Variants in MYLK observed in about 807,000 individuals in gnomAD.
MYLK encodes myosin light chain kinase.
A neutral mutation model predicts 203.4 loss-of-function variants in MYLK; 106 were observed. The observed-to-expected ratio is 0.52, with a 90% CI of 0.45 to 0.61. The LOEUF (loss-of-function observed/expected upper bound fraction) is 0.61, where lower values mean the gene tolerates loss of function less well. Among genes scored for constraint, MYLK ranks in the 20% least tolerant of loss-of-function variants. The pLI is 0.00. For missense variants in MYLK, 2,072 were observed against 2,442.3 expected, an observed-to-expected ratio of 0.85 and a Z score of 3.20; for synonymous variants, 867 against 959.5, an observed-to-expected ratio of 0.90 and a Z score of 1.78.
chr3:123,879,779 C>T (rs867140069), intron 1 of MYLK, among the ~76,000 whole-genome samples: 28 of 151,896 alleles, frequency 1.8e-4, no homozygotes, highest in Admixed American at 1.2e-3. Flanking sequence ...GGACTACAGC[C>T]GAGTAGCTGG....
At chr3:123,847,241 T>G (rs61050724) in intron 2 of MYLK, among the ~76,000 whole-genome samples, 4,004 of 152,196 alleles carry the variant, frequency 0.026, 171 homozygotes, top group African/African-American at 0.088. Context: ...CCATTTTATA[T>G]AAGGGACTTG....
intron 4 of MYLK, among the ~76,000 whole-genome samples, chr3:123,784,279 C>A (rs1223290578): frequency 1.3e-5 from 2 of 151,124 alleles, no homozygotes; most frequent in African/African-American, 2.4e-5. Flanking sequence ...CATATATGTA[C>A]ATTTTCCATT....
Position 123,640,210 on chromosome 3 carries a change from CCTCTCACA to C in MYLK, c.4837+69_4837+76del, listed in dbSNP as rs2058782668. On this transcript the variant is annotated intron_variant, in intron 28 of 33. Transcript: ENST00000360304. This position sits in a 1 kb window ranked among gnomAD's most constrained non-coding sequence, Gnocchi z 4.3. The stretch of plus-strand genomic sequence containing the variant: ...GATTTAACCCCAATACTGTATGTTT[CCTCTCACA>C]CTCAGTGTGAGAGGAAACGGCCAGT... 1.5e-6 allele frequency: 2 copies of C among 1,356,526 alleles called. No homozygotes were observed. Among genetic ancestry groups the C allele is most frequent in the South Asian group, 2.3e-5 (2 of 85,618 alleles). 84.0% of individuals were successfully genotyped at this position (1,356,526 alleles called of 1,614,324 possible).
chr3:123,650,062 CAG>C (rs751946917), intron 24 of MYLK, among the ~76,000 whole-genome samples: 8 of 152,188 alleles, frequency 5.3e-5, no homozygotes, highest in Admixed American at 4.6e-4. Flanking sequence ...TTCCCCGGAA[CAG>C]GGGGGCATCC....
chr3:123,878,974 C>T (rs879330203), intron 1 of MYLK, among the ~76,000 whole-genome samples: 5 of 152,204 alleles, frequency 3.3e-5, no homozygotes, highest in Non-Finnish European at 5.9e-5. Flanking sequence ...GCGTGAACCA[C>T]GGTGCCCAGC....
At chr3:123,757,840 C>T (rs1004913496) in intron 4 of MYLK, among the ~76,000 whole-genome samples, 2 of 152,128 alleles carry the variant, frequency 1.3e-5, no homozygotes, top group Non-Finnish European at 2.9e-5. Context: ...TTGTTGCCTG[C>T]CTGCCTGTAA....
At chr3:123,746,212 T>C (rs1245088554) in intron 5 of MYLK, among the ~76,000 whole-genome samples, 3 of 152,144 alleles carry the variant, frequency 2.0e-5, no homozygotes, top group Admixed American at 6.5e-5. Context: ...AAGCCAGGCA[T>C]GGTGGTACAT....
rs956869238 is a variant in MYLK at position 123,750,903 on chromosome 3, G to T, written c.373+1428C>A. Among the ~76,000 whole-genome samples, 11 of 152,306 alleles carry T rather than the reference G, an allele frequency of 7.2e-5. No homozygotes were observed. In the East Asian group the frequency reaches 1.4e-3, roughly 19 times the overall value. On this transcript the variant is annotated intron_variant, in intron 5 of 33. Coordinates refer to ENST00000360304, the MANE Select transcript of MYLK (RefSeq NM_053025.4). Reference sequence around the variant, plus strand: ...AGAGTAAGTGAGTCACTCAGTTAAAGAATTTAAGGAAAGCATCCAAACTAT... The same window carrying T: ...AGAGTAAGTGAGTCACTCAGTTAAATAATTTAAGGAAAGCATCCAAACTAT...
rs1173370606 is a variant in MYLK, at chr3:123,704,776, C to T, written c.2390+2978G>A. On this transcript the variant is annotated intron_variant, in intron 16 of 33. Transcript: ENST00000360304. Reference sequence around the variant, plus strand: ...AAAAAAAAAAAAAAAAAAAATTAGCCGGGCGTGGTGGTAGGCACCTGTAGT... The same window carrying T: ...AAAAAAAAAAAAAAAAAAAATTAGCTGGGCGTGGTGGTAGGCACCTGTAGT... Among the ~76,000 whole-genome samples the T allele has an allele frequency of 2.1e-4, 30 of 144,396 alleles. No homozygotes were observed. In the East Asian group the frequency reaches 2.6e-3, roughly 13 times the overall value. 94.7% of individuals were successfully genotyped at this position (144,396 alleles called of 152,430 possible). A position where few individuals can be genotyped will look rare whatever the true frequency, so the allele number is the denominator to read the frequency against.
intron 20 of MYLK, among the ~76,000 whole-genome samples, chr3:123,677,918 T>TATATATACACAC (rs1273803739): frequency 1.5e-4 from 12 of 78,890 alleles, no homozygotes; most frequent in East Asian, 1.7e-3. Context: ...TATATATATA[T>TATATATACACAC]ACACACACAC....
rs2057666575 is a variant in MYLK at position 123,618,774 on chromosome 3, G to C, written c.5369-4C>G. ...AGGAAAGCTTGGGACACATCTTCTA[G>C]AAGACAGAGAAGAAGACCAGGTCAT... On this transcript the variant is annotated splice_polypyrimidine_tract_variant and splice_region_variant and intron_variant, in intron 32 of 33. Transcript: ENST00000360304. 6.2e-7 allele frequency: 1 copy of C among 1,614,008 alleles called. No homozygotes were observed. The highest frequency in any genetic ancestry group is 8.5e-7 in the Non-Finnish European group (1 of 1,179,958).
intron 20 of MYLK, among the ~76,000 whole-genome samples, chr3:123,672,154 T>G (rs1478282058): frequency 6.6e-6 from 1 of 150,918 alleles, no homozygotes; most frequent in East Asian, 2.0e-4. Context: ...CATAGTCCAA[T>G]TTGGTGTCCT....
chr3:123,819,663 G>A (rs144182847), intron 3 of MYLK, among the ~76,000 whole-genome samples: 2 of 151,674 alleles, frequency 1.3e-5, no homozygotes, highest in South Asian at 2.1e-4. Flanking sequence ...TCCTAGCAAC[G>A]TTTAGCTGAC....
rs1352764618 is a variant in MYLK at position 123,629,202 on chromosome 3, C to T, written c.5114+272G>A. Among the ~76,000 whole-genome samples the T allele has an allele frequency of 1.3e-5, 2 of 152,150 alleles. No homozygotes were observed. Among genetic ancestry groups the T allele is most frequent in the African/African-American group, 2.4e-5 (1 of 41,430 alleles). Reference sequence around the variant, plus strand: ...AGAACAGCTGCCCCTTGCTCTGTAACGTGGTCAAGTGTCGCTTTTCAAGTC... The same window carrying T: ...AGAACAGCTGCCCCTTGCTCTGTAATGTGGTCAAGTGTCGCTTTTCAAGTC... On this transcript the variant is annotated intron_variant, in intron 30 of 33. Transcript: ENST00000360304. The surrounding 1 kb of genome is among the most constrained non-coding windows in gnomAD (Gnocchi z 4.4).
At chr3:123,614,926 C>T (rs955424910) in intron 33 of MYLK, among the ~76,000 whole-genome samples, 9 of 152,030 alleles carry the variant, frequency 5.9e-5, no homozygotes, top group Admixed American at 1.3e-4. Flanking sequence ...CCTCCCTCAG[C>T]CTCCCAAGTA....
chr3:123,881,885 G>C (rs1358106618), intron 1 of MYLK, among the ~76,000 whole-genome samples: 3 of 152,016 alleles, frequency 2.0e-5, no homozygotes, highest in Non-Finnish European at 4.4e-5. Flanking sequence ...GCACCATCTG[G>C]GTCACCTCCT....
Position 123,640,446 on chromosome 3 carries a change from G to A in MYLK, c.4678C>T (p.Arg1560Cys). Residue 1560 changes from arginine (R) to cysteine (C), a missense_variant, in exon 28 of 34, where the codon CGT (arginine) becomes TGT (cysteine). Around this residue, in one of 3 missense-constraint regions of MYLK, gnomAD observed 524 missense variants for 782.4 expected, o/e 0.67. Coordinates refer to ENST00000360304, the MANE Select transcript of MYLK (RefSeq NM_053025.4). This position sits in a 1 kb window ranked among gnomAD's most constrained non-coding sequence, Gnocchi z 4.3. ...TGCCGCATGTACTTGATGCACTCAC[G>A]CTCCGTCAGCTCAAAGTCCTCGTCA... Reference protein sequence around the residue: ...IIDEDFELTERECIKYMRQIS... With the variant: ...IIDEDFELTECECIKYMRQIS... 2 of 1,613,852 alleles carry A rather than the reference G, an allele frequency of 1.2e-6. No homozygotes were observed. Among genetic ancestry groups the A allele is most frequent in the Non-Finnish European group, 1.7e-6 (2 of 1,179,978 alleles).
intron 15 of MYLK, among the ~76,000 whole-genome samples, chr3:123,708,372 C>A (rs554010860): frequency 2.6e-5 from 4 of 152,234 alleles, no homozygotes; most frequent in African/African-American, 7.2e-5. Flanking sequence ...TGGCAAGGAC[C>A]CTGTTAAGCC....
chr3:123,832,998 C>T (rs1385018872), intron 2 of MYLK, among the ~76,000 whole-genome samples: 1 of 152,058 alleles, frequency 6.6e-6, no homozygotes, highest in East Asian at 1.9e-4. Context: ...CTTCCCCTGA[C>T]ACTTTGAGGG....
Sources: allele counts gnomAD v4.1 joint callset (sites outside exome capture counted in the v4.1 genomes callset), GRCh38; gene constraint gnomAD v4.1.1; regional missense constraint gnomAD v4.1.1; non-coding constraint Gnocchi (gnomAD v3.1); transcripts MANE v1.5; gene names NCBI Gene and HGNC (gene_info 2026-07-23, HGNC 2026-07-21).